The following PAX7 variants were observed in gnomAD, a reference collection of about 807,000 sequenced individuals.
The protein encoded by PAX7 is paired box 7.
A neutral mutation model predicts 50.7 loss-of-function variants in PAX7; 18 were observed. The observed-to-expected ratio is 0.36, with a 90% CI of 0.25 to 0.53. PAX7 has a LOEUF of 0.53. Among genes scored for constraint, PAX7 ranks in the 20% least tolerant of loss-of-function variants. The pLI is 0.93. For missense variants in PAX7, 644 were observed against 702.9 expected (o/e 0.92, Z 0.95); for synonymous variants, 310 against 290.4 (o/e 1.07, Z -0.69).
At chr1:18,639,606 C>G (rs1192999224) in intron 4 of PAX7, among the ~76,000 whole-genome samples, 1 of 152,070 alleles carries the variant, frequency 6.6e-6, no homozygotes, top group East Asian at 1.9e-4. Flanking sequence ...GGGGACCCAA[C>G]AGGGAGGGGA....
chr1:18,700,867 CT>C lies in PAX7; in HGVS notation c.952+52del, dbSNP rs778709692. The C allele has an allele frequency of 1.4e-5, 19 of 1,310,670 alleles. No homozygotes were observed. The highest frequency in any genetic ancestry group is 1.9e-5 in the Non-Finnish European group (19 of 1,008,826). 81.2% of individuals were successfully genotyped at this position (1,310,670 alleles called of 1,614,324 possible). ...CCATCTCAGTGGTGCCCCTTCCCTT[CT>C]TTCTTTACTTTCACTTACAAAGGCT... is the stretch of plus-strand genomic sequence containing the variant. On this transcript the variant is annotated intron_variant, in intron 6 of 8. Transcript: ENST00000420770. This position sits in a 1 kb window ranked among gnomAD's most constrained non-coding sequence, Gnocchi z 4.8.
chr1:18,648,260 G>A (rs1253532282), intron 4 of PAX7, among the ~76,000 whole-genome samples: 12 of 151,848 alleles, frequency 7.9e-5, no homozygotes, highest in Admixed American at 7.9e-4. Flanking sequence ...CCCAGAAAAG[G>A]GGCCCTGACT....
At chr1:18,671,920 T>C (rs979741348) in intron 4 of PAX7, among the ~76,000 whole-genome samples, 11 of 151,906 alleles carry the variant, frequency 7.2e-5, no homozygotes, top group African/African-American at 2.4e-4. Context: ...GAGGCTGCAC[T>C]GAGCTATAAT....
rs138997080 is a variant in PAX7 at position 18,655,299 on chromosome 1, G to A, written c.586+18928G>A. On this transcript the variant is annotated intron_variant, in intron 4 of 8. Transcript: ENST00000420770. ...CAGAGCTTAGAAATGCAGGTGGCAC[G>A]TCCCCTCCGTAGATGAAGCCACTTA... 8.1e-3 allele frequency among the ~76,000 whole-genome samples: 1,239 copies of A among 152,290 alleles called. 13 individuals are homozygous for A. The highest frequency in any genetic ancestry group is 0.017 in the Middle Eastern group (5 of 294).
At chr1:18,685,955 G>T (rs1472846249) in intron 4 of PAX7, among the ~76,000 whole-genome samples, 1 of 151,334 alleles carries the variant, frequency 6.6e-6, no homozygotes, top group African/African-American at 2.5e-5. Flanking sequence ...CTCAGCCTGG[G>T]CCGGACTTTG....
chr1:18,640,279 A>G (rs2088230772), intron 4 of PAX7, among the ~76,000 whole-genome samples: 1 of 152,164 alleles, frequency 6.6e-6, no homozygotes, highest in Non-Finnish European at 1.5e-5. Context: ...GATAGCTGCT[A>G]ATGCGGTTTT....
intron 4 of PAX7, among the ~76,000 whole-genome samples, chr1:18,675,423 G>A (rs1036055674): frequency 3.9e-5 from 6 of 152,160 alleles, no homozygotes; most frequent in African/African-American, 1.4e-4. Context: ...AGTTTTTATG[G>A]GTGAAGGAAC....
chr1:18,646,333 G>A (rs1489797057), intron 4 of PAX7, among the ~76,000 whole-genome samples: 1 of 152,114 alleles, frequency 6.6e-6, no homozygotes, highest in Non-Finnish European at 1.5e-5. Flanking sequence ...AGAGAGGTTT[G>A]CCCAGAGCTG....
intron 4 of PAX7, among the ~76,000 whole-genome samples, chr1:18,672,224 C>A (rs971128313): frequency 3.3e-5 from 5 of 152,170 alleles, no homozygotes; most frequent in African/African-American, 1.2e-4. Flanking sequence ...CCTTTGCCAT[C>A]TCCTGTTCTT....
At chr1:18,693,147 G>A (rs2236828) in intron 5 of PAX7, among the ~76,000 whole-genome samples, 8,626 of 152,096 alleles carry the variant, frequency 0.057, 420 homozygotes, top group East Asian at 0.25. Flanking sequence ...ATAGAGAGAG[G>A]GGAAAGATCC....
At chr1:18,697,139 C>T (rs903753330) in intron 5 of PAX7, among the ~76,000 whole-genome samples, 5 of 152,122 alleles carry the variant, frequency 3.3e-5, no homozygotes, top group African/African-American at 1.2e-4. Flanking sequence ...CTCTGTGCTA[C>T]ATGAAGAGAA....
intron 4 of PAX7, among the ~76,000 whole-genome samples, chr1:18,642,773 G>A (rs1272539865): frequency 1.3e-5 from 2 of 152,034 alleles, no homozygotes; most frequent in East Asian, 3.9e-4. Context: ...TTCCCAAATC[G>A]AATCAAGGCA....
At chr1:18,693,475 A>G (rs965928871) in intron 5 of PAX7, among the ~76,000 whole-genome samples, 2 of 152,166 alleles carry the variant, frequency 1.3e-5, no homozygotes, top group African/African-American at 4.8e-5. Flanking sequence ...CGTCCTTTCC[A>G]TCCAGGGAAA....
intron 4 of PAX7, among the ~76,000 whole-genome samples, chr1:18,642,257 T>C (rs2088268214): frequency 1.3e-5 from 2 of 152,166 alleles, no homozygotes; most frequent in South Asian, 4.1e-4. Flanking sequence ...ATCAACAAAG[T>C]TGATGAGGCT....
chr1:18,640,984 C>A (rs1570109173), intron 4 of PAX7, among the ~76,000 whole-genome samples: 1 of 152,202 alleles, frequency 6.6e-6, no homozygotes, highest in Non-Finnish European at 1.5e-5. Flanking sequence ...TTCCCTCCAT[C>A]CCCCCAACCG....
chr1:18,713,397 A>G (rs1557546390), intron 7 of PAX7, among the ~76,000 whole-genome samples: 1 of 152,324 alleles, frequency 6.6e-6, no homozygotes, highest in East Asian at 1.9e-4. Context: ...GTAACGGACC[A>G]CCACCAACTG....
At chr1:18,643,403 G>A (rs1298245638) in intron 4 of PAX7, among the ~76,000 whole-genome samples, 2 of 152,254 alleles carry the variant, frequency 1.3e-5, no homozygotes. Flanking sequence ...CCACAGAGGA[G>A]GAGAGAGCTA....
intron 5 of PAX7, among the ~76,000 whole-genome samples, chr1:18,696,065 CTTTTTT>C (rs386366372): frequency 2.3e-5 from 3 of 128,910 alleles, no homozygotes; most frequent in Non-Finnish European, 3.3e-5. Context: ...CATTTCTTTT[CTTTTTT>C]TTTTTTTTTT....
intron 5 of PAX7, among the ~76,000 whole-genome samples, chr1:18,697,831 C>T (rs924994200): frequency 6.6e-6 from 1 of 152,156 alleles, no homozygotes; most frequent in South Asian, 2.1e-4. Context: ...GCTTATTGCA[C>T]TGAAAAGCAG....
Sources: gnomAD v4.1 joint callset for allele counts (sites outside exome capture counted in the v4.1 genomes callset) on GRCh38, gnomAD v4.1.1 for gene constraint, Gnocchi (gnomAD v3.1) non-coding constraint, MANE v1.5 for transcripts, NCBI Gene and HGNC (gene_info 2026-07-23, HGNC 2026-07-21) for gene names.